Variants in DNAH17 observed in about 807,000 individuals in gnomAD.
DNAH17 encodes axonemal beta dynein heavy chain 17.
Under a neutral mutation model 485.6 loss-of-function variants are expected in DNAH17, and 376 were observed. The ratio of observed to expected loss-of-function variants is 0.77; its 90% CI spans 0.71 to 0.84. The LOEUF (loss-of-function observed/expected upper bound fraction) is 0.84. DNAH17 is among the 40% of genes least tolerant of loss of function. The pLI is 0.00. For missense variants in DNAH17, 6,370 were observed against 5,839.3 expected (o/e 1.09, Z -2.96); for synonymous variants, 3,031 against 2,405.9 (o/e 1.26, Z -7.60).
intron 17 of DNAH17, among the ~76,000 whole-genome samples, chr17:78,543,218 G>T (rs564105507): frequency 6.6e-6 from 1 of 152,162 alleles, no homozygotes; most frequent in African/African-American, 2.4e-5. Flanking sequence ...AGGGTCAAGC[G>T]ATTCTCCTGC....
At chr17:78,502,382 G>A in intron 33 of DNAH17, 1 of 466,320 alleles carries the variant, frequency 2.1e-6, no homozygotes, top group Non-Finnish European at 3.8e-6. Context: ...TATTTCTGAA[G>A]GTGTCTGTTA....
chr17:78,575,440 G>C (rs1406301763), intron 1 of DNAH17, among the ~76,000 whole-genome samples: 1 of 152,326 alleles, frequency 6.6e-6, no homozygotes, highest in South Asian at 2.1e-4. Context: ...GGTAGGAAAA[G>C]GCAGAACAAG....
intron 55 of DNAH17, among the ~76,000 whole-genome samples, chr17:78,467,326 G>A (rs1380455625): frequency 6.6e-6 from 1 of 152,332 alleles, no homozygotes; most frequent in East Asian, 1.9e-4. Context: ...AGCTGCTCTT[G>A]CTCTCTAGTC....
chr17:78,487,073 C>CAA (rs2089644302), intron 44 of DNAH17, among the ~76,000 whole-genome samples: 1 of 149,944 alleles, frequency 6.7e-6, no homozygotes, highest in African/African-American at 2.5e-5. Context: ...ATACAACCAG[C>CAA]AATCCTTGAA....
chr17:78,498,213 G>A (rs2090143741), intron 37 of DNAH17, among the ~76,000 whole-genome samples: 1 of 152,082 alleles, frequency 6.6e-6, no homozygotes, highest in South Asian at 2.1e-4. Context: ...CTCCACCCAG[G>A]TTGTGGGGCT....
intron 15 of DNAH17, among the ~76,000 whole-genome samples, 185 bp downstream of exon 15, chr17:78,552,512 C>CTTT (rs35637364): frequency 1.4e-4 from 19 of 132,416 alleles, no homozygotes; most frequent in South Asian, 1.2e-3. Context: ...CACAGATGGG[C>CTTT]TTTTTTTTTT....
At chr17:78,432,204 A>AT in intron 75 of DNAH17, among the ~76,000 whole-genome samples, 1 of 150,430 alleles carries the variant, frequency 6.6e-6, no homozygotes, top group South Asian at 2.1e-4. Context: ...ATAAATAAAT[A>AT]AAATAAATAA....
intron 15 of DNAH17, 64 bp from the exon 16 acceptor site, chr17:78,551,702 G>T: frequency 1.3e-6 from 2 of 1,520,630 alleles, no homozygotes; most frequent in Non-Finnish European, 1.8e-6. Context: ...GGTGGCTCAA[G>T]CTTGTAATCT....
chr17:78,539,982 G>A (rs1002771717), intron 17 of DNAH17, 102 bp from the exon 18 acceptor site: 5 of 1,227,638 alleles, frequency 4.1e-6, no homozygotes, highest in Admixed American at 3.4e-5. Flanking sequence ...ATGTTCACAC[G>A]CCGGACACAC....
At chr17:78,559,636 C>T (rs1045290468) in intron 13 of DNAH17, among the ~76,000 whole-genome samples, 1 of 152,200 alleles carries the variant, frequency 6.6e-6, no homozygotes, top group Non-Finnish European at 1.5e-5. Flanking sequence ...TCAATCTACG[C>T]ACCTCACAGC....
intron 54 of DNAH17, among the ~76,000 whole-genome samples, chr17:78,474,043 C>T (rs540961174): frequency 6.6e-6 from 1 of 152,222 alleles, no homozygotes; most frequent in African/African-American, 2.4e-5. Context: ...AGGCAGAGAA[C>T]AGCCAGCCAG....
In DNAH17 at chr17:78,438,451, AG is replaced by A. The variant is rs371848512; in HGVS notation, c.11806-584del. 1.8e-3 allele frequency among the ~76,000 whole-genome samples: 113 copies of A among 64,146 alleles called. 2 individuals carry two copies. Among genetic ancestry groups the A allele is most frequent in the African/African-American group, 4.7e-3 (62 of 13,314 alleles). 42.1% of individuals were successfully genotyped at this position (64,146 alleles called of 152,430 possible). Reference sequence around the variant, plus strand: ...AGGAGGAGGAGGAGGAGGAGGGAGGAGGGAGGAGGAGGAGGAGATGCTTTTG... The same window carrying A: ...AGGAGGAGGAGGAGGAGGAGGGAGGAGGAGGAGGAGGAGGAGATGCTTTTG... On this transcript the variant is annotated intron_variant, in intron 73 of 80. Transcript: ENST00000389840.
Position 78,445,662 on chromosome 17 carries a change from CCTT to C in DNAH17, c.11227_11229del (p.Lys3743del). 6.3e-7 allele frequency: 1 copy of C among 1,583,680 alleles called. No homozygotes were observed. The highest frequency in any genetic ancestry group is 8.6e-7 in the Non-Finnish European group (1 of 1,165,068). Reference sequence around the variant, plus strand: ...AAATCCAGCTCCACTGGGTTCAGCTCCTTCTTCATGGACAGGACCTGGGGGAAC... The same window carrying C: ...AAATCCAGCTCCACTGGGTTCAGCTCCTTCATGGACAGGACCTGGGGGAAC... On this transcript the variant is annotated inframe_deletion, in exon 70 of 81. Transcript: ENST00000389840.
intron 51 of DNAH17, among the ~76,000 whole-genome samples, chr17:78,477,341 T>A (rs2089077975): frequency 6.6e-6 from 1 of 151,978 alleles, no homozygotes; most frequent in Non-Finnish European, 1.5e-5. Context: ...GAGTGGCCTC[T>A]GTGAGAGCAT....
intron 25 of DNAH17, among the ~76,000 whole-genome samples, chr17:78,518,395 G>A (rs1451765912): frequency 1.3e-5 from 2 of 152,102 alleles, no homozygotes; most frequent in African/African-American, 4.8e-5. Flanking sequence ...AAAATTCCTA[G>A]AGACAAAAGG....
Position 78,491,398 on chromosome 17 carries a change from C to T in DNAH17, c.6669+45G>A, listed in dbSNP as rs1219919854. The T allele has an allele frequency of 1.9e-6, 3 of 1,600,660 alleles. No individual in the cohort carries two copies. The South Asian group carries it at 3.4e-5, about 18-fold the overall frequency. On this transcript the variant is annotated intron_variant, in intron 43 of 80. Transcript: ENST00000389840. ...CGCCTCCCTGTGAGCCCCCGTTGTCCCTGCCTTGGGTGGCCTTGGGGCTTA... is the reference window on the plus strand; with the variant it reads ...CGCCTCCCTGTGAGCCCCCGTTGTCTCTGCCTTGGGTGGCCTTGGGGCTTA...
intron 13 of DNAH17, among the ~76,000 whole-genome samples, chr17:78,558,735 A>G (rs902391106): frequency 2.6e-4 from 39 of 152,142 alleles, no homozygotes; most frequent in African/African-American, 8.9e-4. Context: ...TCGGGTCTTC[A>G]CTTGTTTCCT....
intron 75 of DNAH17, 32 bp downstream of exon 75, chr17:78,433,997 T>A (rs1307261849): frequency 8.0e-7 from 1 of 1,248,104 alleles, no homozygotes; most frequent in East Asian, 5.4e-5. Context: ...GGGAGGGATA[T>A]GTCCAAGTAC....
At position 78,468,603 on chromosome 17, in the gene DNAH17, G is replaced by A; in HGVS notation, c.8778+14C>T. Reference sequence around the variant, plus strand: ...GCTGGGCTCTTGAGGCCCTGCCGAAGACGGGAGCCCCACCTTGAGCTGTCT... The same window carrying A: ...GCTGGGCTCTTGAGGCCCTGCCGAAAACGGGAGCCCCACCTTGAGCTGTCT... On this transcript the variant is annotated intron_variant, in intron 55 of 80. Transcript: ENST00000389840. The A allele has an allele frequency of 2.5e-6, 4 of 1,608,586 alleles. No homozygotes were observed. The highest frequency in any genetic ancestry group is 3.4e-6 in the Non-Finnish European group (4 of 1,176,554).
Sources: allele counts gnomAD v4.1 joint callset (sites outside exome capture counted in the v4.1 genomes callset), GRCh38; gene constraint gnomAD v4.1.1; transcripts MANE v1.5; gene names NCBI Gene and HGNC (gene_info 2026-07-23, HGNC 2026-07-21).